CNTNAP5: variants seen among roughly 807,000 people sequenced by gnomAD.
CNTNAP5 encodes contactin-associated protein-like 5.
Under a neutral mutation model 150.2 loss-of-function variants are expected in CNTNAP5, and 72 were observed. The ratio of observed to expected loss-of-function variants is 0.48; its 90% confidence interval spans 0.40 to 0.58. CNTNAP5 has a LOEUF of 0.58. Ranked by LOEUF, CNTNAP5 falls within the 20% of genes least tolerant of loss-of-function variation. CNTNAP5 has a pLI of 0.00. For missense variants in CNTNAP5, 1,636 were observed against 1,626.2 expected (o/e 1.01, Z -0.10); for synonymous variants, 672 against 619.8 (o/e 1.08, Z -1.25).
At chr2:124,834,866 C>T (rs1458416064) in intron 19 of CNTNAP5, among the ~76,000 whole-genome samples, 1 of 151,426 alleles carries the variant, frequency 6.6e-6, no homozygotes, top group Non-Finnish European at 1.5e-5. Context: ...AACAAATCAC[C>T]TTTAACCCCA....
chr2:124,227,356 C>T (rs1206754393), intron 2 of CNTNAP5, among the ~76,000 whole-genome samples: 1 of 152,058 alleles, frequency 6.6e-6, no homozygotes, highest in Non-Finnish European at 1.5e-5. Flanking sequence ...TTCAGATCTA[C>T]TACTCAACAC....
chr2:124,461,873 G>GA (rs56211506), intron 6 of CNTNAP5, among the ~76,000 whole-genome samples: 140,144 of 143,774 alleles, frequency 0.97, 68,379 homozygotes, highest in South Asian at 1. Context: ...AAAAAAAAAA[G>GA]AAAAAAAAAG....
intron 21 of CNTNAP5, among the ~76,000 whole-genome samples, chr2:124,875,315 T>C (rs1264882724): frequency 2.0e-5 from 3 of 152,140 alleles, no homozygotes; most frequent in African/African-American, 7.2e-5. Context: ...ATGCTCACTT[T>C]GGAAGACTGA....
chr2:124,349,070 G>T lies in CNTNAP5; in HGVS notation c.382-68373G>T, dbSNP rs1689808727. Among the ~76,000 whole-genome samples, 3 of 152,138 alleles carry T rather than the reference G, an allele frequency of 2.0e-5. No individual in the cohort carries two copies. In the South Asian group the frequency reaches 6.2e-4, roughly 32 times the overall value. On this transcript the variant is annotated intron_variant, in intron 3 of 23. Coordinates refer to ENST00000682447, the MANE Select transcript of CNTNAP5 (RefSeq NM_001367498.1). Reference sequence around the variant, plus strand: ...AGAGATTGTGTAGAAGTGTTGCTTTGATTGGACATGTCTGGCTTAAAATAT... The same window carrying T: ...AGAGATTGTGTAGAAGTGTTGCTTTTATTGGACATGTCTGGCTTAAAATAT...
intron 5 of CNTNAP5, among the ~76,000 whole-genome samples, chr2:124,439,521 C>T (rs555324169): frequency 9.6e-4 from 146 of 152,234 alleles, no homozygotes; most frequent in African/African-American, 3.4e-3. Context: ...AAGTTAGACA[C>T]CAGAGTAGAG....
chr2:124,517,236 A>G (rs1438100726), intron 8 of CNTNAP5, among the ~76,000 whole-genome samples: 1 of 149,786 alleles, frequency 6.7e-6, no homozygotes, highest in Non-Finnish European at 1.5e-5. Context: ...GGTATTAGTG[A>G]TGGGAGATTG....
At chr2:124,614,921 G>T (rs953537738) in intron 12 of CNTNAP5, among the ~76,000 whole-genome samples, 1 of 151,862 alleles carries the variant, frequency 6.6e-6, no homozygotes, top group Non-Finnish European at 1.5e-5. Context: ...TCTGACACAA[G>T]TTCATATAAA....
chr2:124,091,141 A>G (rs1170619179), intron 1 of CNTNAP5, among the ~76,000 whole-genome samples: 2 of 152,196 alleles, frequency 1.3e-5, no homozygotes, highest in East Asian at 3.9e-4. Context: ...TGATCAGGAA[A>G]GAGACACAGT....
At chr2:124,377,908 T>C (rs142060783) in intron 3 of CNTNAP5, among the ~76,000 whole-genome samples, 1 of 152,148 alleles carries the variant, frequency 6.6e-6, no homozygotes, top group East Asian at 1.9e-4. Flanking sequence ...TTAAGAACAA[T>C]TTTGATTCAA....
rs1691797085 is a variant in CNTNAP5 at position 124,412,470 on chromosome 2, C to G, written c.382-4973C>G. The stretch of plus-strand genomic sequence containing the variant: ...AAGCTGGAGGCATCACACTACCTGA[C>G]TTCAAACTATACTACAAGGCTACAG... On this transcript the variant is annotated intron_variant, in intron 3 of 23. Coordinates refer to ENST00000682447, the MANE Select transcript of CNTNAP5 (RefSeq NM_001367498.1). Among the ~76,000 whole-genome samples, 5 of 150,680 alleles carry G rather than the reference C, an allele frequency of 3.3e-5. No homozygotes were observed. In the South Asian group the frequency reaches 1.1e-3, roughly 32 times the overall value.
rs377442920 is a variant in CNTNAP5, at chr2:124,904,016, T to A, written c.3655+916T>A. Among the ~76,000 whole-genome samples, 127 of 132,528 alleles carry A rather than the reference T, an allele frequency of 9.6e-4. 2 individuals are homozygous for A. In the South Asian group the frequency reaches 0.017, roughly 18 times the overall value. 86.9% of individuals were successfully genotyped at this position (132,528 alleles called of 152,430 possible). ...TTGCAGTGAGCCAAGATCATGCAAC[T>A]GCACTCCAGCCTGGGGTATAGAGTG... On this transcript the variant is annotated intron_variant, in intron 22 of 23. Coordinates refer to ENST00000682447, the MANE Select transcript of CNTNAP5 (RefSeq NM_001367498.1).
intron 1 of CNTNAP5, among the ~76,000 whole-genome samples, chr2:124,176,091 T>TA (rs1433669255): frequency 6.6e-6 from 1 of 152,184 alleles, no homozygotes; most frequent in Admixed American, 6.5e-5. Context: ...TTTGCTATGT[T>TA]CTTTGCTTCC....
At chr2:124,481,179 G>A (rs1322470223) in intron 7 of CNTNAP5, among the ~76,000 whole-genome samples, 1 of 152,184 alleles carries the variant, frequency 6.6e-6, no homozygotes, top group Admixed American at 6.6e-5. Context: ...CCTTCCTCAC[G>A]TGGTAGAAAA....
At chr2:124,499,066 A>T (rs1307265875) in intron 7 of CNTNAP5, among the ~76,000 whole-genome samples, 1 of 152,224 alleles carries the variant, frequency 6.6e-6, no homozygotes, top group Non-Finnish European at 1.5e-5. Flanking sequence ...GATACATTGC[A>T]CGTGGTCTCA....
chr2:124,173,610 A>G (rs1684988013), intron 1 of CNTNAP5, among the ~76,000 whole-genome samples: 1 of 152,250 alleles, frequency 6.6e-6, no homozygotes, highest in Admixed American at 6.5e-5. Context: ...TGGCTGAAAG[A>G]GGAGAGAAAG....
intron 6 of CNTNAP5, among the ~76,000 whole-genome samples, chr2:124,451,051 A>AATAT (rs1553469335): frequency 2.1e-4 from 14 of 65,292 alleles, no homozygotes; most frequent in African/African-American, 5.1e-4. Context: ...AAAAAAAAAA[A>AATAT]ATATATATAT....
chr2:124,659,985 T>A (rs1054730208), intron 13 of CNTNAP5, among the ~76,000 whole-genome samples: 40 of 140,812 alleles, frequency 2.8e-4, no homozygotes, highest in African/African-American at 1.0e-3. Context: ...TTATTTCAGA[T>A]AAGGAGTCAC....
chr2:124,694,600 A>C (rs1407655621), intron 13 of CNTNAP5, among the ~76,000 whole-genome samples: 2 of 152,190 alleles, frequency 1.3e-5, no homozygotes, highest in Non-Finnish European at 2.9e-5. Flanking sequence ...TTTTAATGGT[A>C]ATGTTTAATA....
chr2:124,620,759 A>ATG (rs201174717), intron 12 of CNTNAP5, among the ~76,000 whole-genome samples: 4 of 127,974 alleles, frequency 3.1e-5, no homozygotes, highest in African/African-American at 6.7e-5. Context: ...ACACACACAC[A>ATG]CACACACACA....
Sources: gnomAD v4.1 joint callset for allele counts (sites outside exome capture counted in the v4.1 genomes callset) on GRCh38, gnomAD v4.1.1 for gene constraint, MANE v1.5 for transcripts, NCBI Gene and HGNC (gene_info 2026-07-23, HGNC 2026-07-21) for gene names.